Variants in CEP192 observed in about 807,000 individuals in gnomAD.
CEP192 encodes the protein centrosomal protein of 192 kDa.
CEP192 carries 151 observed loss-of-function variants against 271.8 expected under a neutral mutation model. The ratio of observed to expected loss-of-function variants is 0.56; its 90% confidence interval spans 0.49 to 0.64. The LOEUF (loss-of-function observed/expected upper bound fraction) is 0.64, where lower values mean the gene tolerates loss of function less well. Ranked by LOEUF, CEP192 falls within the 30% of genes least tolerant of loss-of-function variation. CEP192 has a pLI of 0.00. For missense variants in CEP192, 2,910 were observed against 3,020.5 expected (o/e 0.96, Z 0.86); for synonymous variants, 995 against 1,076.5 (o/e 0.92, Z 1.48).
At position 13,087,110 on chromosome 18, in the gene CEP192, G is replaced by A. The variant is rs1458601764; in HGVS notation, c.5710G>A (p.Val1904Ile). The A allele has an allele frequency of 1.2e-6, 2 of 1,614,058 alleles. No individual in the cohort carries two copies. The highest frequency in any genetic ancestry group is 1.7e-6 in the Non-Finnish European group (2 of 1,179,938). The change falls in exon 31 of 45, where the codon GTA becomes ATA. Residue 1904 changes from valine to isoleucine, a missense_variant. By Grantham distance (29) the Val-to-Ile change is conservative. Coordinates refer to ENST00000506447, the MANE Select transcript of CEP192 (RefSeq NM_032142.4). Reference sequence around the variant, plus strand: ...TTACATGGTAACAGTGAATGGCTTAGTACCTGGCAAAGAAAGTAAAATTGT... The same window carrying A: ...TTACATGGTAACAGTGAATGGCTTAATACCTGGCAAAGAAAGTAAAATTGT... ...DSYMVTVNGL[V>I]PGKESKIVFS...
intron 11 of CEP192, among the ~76,000 whole-genome samples, chr18:13,032,946 T>C (rs2035717355): frequency 6.6e-6 from 1 of 152,226 alleles, no homozygotes; most frequent in South Asian, 2.1e-4. Context: ...TAGTTCTATT[T>C]GTATACAGCT....
Position 13,030,734 on chromosome 18 carries a change from T to G in CEP192, c.1534+126T>G, listed in dbSNP as rs115004703. 1,938 of 717,156 alleles carry G rather than the reference T, an allele frequency of 2.7e-3. 26 individuals are homozygous for G. In the African/African-American group the frequency reaches 0.031, roughly 11 times the overall value. 44.4% of individuals were successfully genotyped at this position (717,156 alleles called of 1,614,324 possible). On this transcript the variant is annotated intron_variant, in intron 11 of 44. Coordinates refer to ENST00000506447, the MANE Select transcript of CEP192 (RefSeq NM_032142.4). Reference sequence around the variant, plus strand: ...ACTATCACTGTATTCTGGAAGCACTTCACTTGTTTTTATAGGACCCAAGGT... The same window carrying G: ...ACTATCACTGTATTCTGGAAGCACTGCACTTGTTTTTATAGGACCCAAGGT...
At chr18:13,058,766 A>G in intron 20 of CEP192, 1 of 337,148 alleles carries the variant, frequency 3.0e-6, no homozygotes, top group South Asian at 2.9e-5. Context: ...TGTGTGCTAG[A>G]GAGACTTACA....
chr18:13,057,058 G>A (rs1001525376), intron 19 of CEP192, among the ~76,000 whole-genome samples: 2 of 152,176 alleles, frequency 1.3e-5, no homozygotes, highest in Non-Finnish European at 2.9e-5. Flanking sequence ...TGGAGAGGCA[G>A]CACTCTCGGG....
chr18:13,097,226 A>G (rs1336373723), intron 36 of CEP192, among the ~76,000 whole-genome samples: 1 of 152,084 alleles, frequency 6.6e-6, no homozygotes, highest in Non-Finnish European at 1.5e-5. Context: ...CTGTAGCCCC[A>G]TGGGTTTAGC....
intron 6 of CEP192, 47 bp downstream of exon 6, chr18:13,015,495 C>T (rs2143031978): frequency 6.5e-7 from 1 of 1,537,030 alleles, no homozygotes; most frequent in South Asian, 1.2e-5. Context: ...CTTGCCACTC[C>T]ACTTTATTCT....
intron 40 of CEP192, among the ~76,000 whole-genome samples, chr18:13,110,873 C>A (rs2040178038): frequency 6.6e-6 from 1 of 152,172 alleles, no homozygotes; most frequent in Non-Finnish European, 1.5e-5. Flanking sequence ...AGGAAGCATC[C>A]AGCACGGGAT....
intron 4 of CEP192, among the ~76,000 whole-genome samples, chr18:13,012,174 A>C (rs1483108111): frequency 6.6e-6 from 1 of 152,204 alleles, no homozygotes; most frequent in South Asian, 2.1e-4. Context: ...AGTGATTGCT[A>C]ATGGGTATAG....
chr18:12,999,278 A>G (rs571499080), intron 1 of CEP192, 143 bp from the exon 2 acceptor site: 2 of 579,248 alleles, frequency 3.5e-6, no homozygotes, highest in South Asian at 5.2e-5. Context: ...TTTACCTCAG[A>G]CTATTTGCCT....
In CEP192 at chr18:13,049,487, C is replaced by G. The variant is rs1224610157; in HGVS notation, c.2696C>G (p.Ser899Ter). 6.2e-7 allele frequency: 1 copy of G among 1,614,116 alleles called. No individual in the cohort carries two copies. The highest frequency in any genetic ancestry group is 1.3e-5 in the African/African-American group (1 of 75,052). The change falls in exon 16 of 45, where the codon TCA becomes TGA. Residue 899 changes from serine (S) to a stop codon, truncating the protein, a stop_gained. Coordinates refer to ENST00000506447, the MANE Select transcript of CEP192 (RefSeq NM_032142.4). LOFTEE classifies it high-confidence loss of function. The stretch of plus-strand genomic sequence containing the variant: ...GTTGGTAACGATGAAAAAGCTACCT[C>G]AATTTCCACTCCATCTGATAGTTAT... ...QDVGNDEKAT[S>*]ISTPSDSYSS...
intron 20 of CEP192, 64 bp downstream of exon 20, chr18:13,057,797 C>A: frequency 6.6e-7 from 1 of 1,518,008 alleles, no homozygotes; most frequent in Non-Finnish European, 9.1e-7. Context: ...CTTGATTTCC[C>A]CCATCTCTAG....
chr18:13,016,063 G>C (rs2034629168), intron 6 of CEP192, among the ~76,000 whole-genome samples: 1 of 152,052 alleles, frequency 6.6e-6, no homozygotes. Context: ...TGAAATATTT[G>C]GCCTCTGCTC....
chr18:13,010,834 G>A (rs558999543), intron 4 of CEP192, among the ~76,000 whole-genome samples: 8 of 149,422 alleles, frequency 5.4e-5, no homozygotes, highest in Admixed American at 1.3e-4. Flanking sequence ...TAATAAGAGC[G>A]AAACTCCATC....
chr18:13,067,728 G>T (rs7243536), intron 21 of CEP192, 103 bp from the exon 22 acceptor site: 126,530 of 905,160 alleles, frequency 0.14, 9,999 homozygotes, highest in East Asian at 0.29. Context: ...TTTACTTACT[G>T]CTGACTCATA....
At chr18:13,039,202 C>T (rs1002318924) in intron 13 of CEP192, among the ~76,000 whole-genome samples, 1 of 152,108 alleles carries the variant, frequency 6.6e-6, no homozygotes, top group Non-Finnish European at 1.5e-5. Context: ...CACCTGTAAT[C>T]CCAGCACTTT....
chr18:13,031,502 C>G (rs929651159), intron 11 of CEP192, among the ~76,000 whole-genome samples: 2 of 152,108 alleles, frequency 1.3e-5, no homozygotes, highest in African/African-American at 2.4e-5. Flanking sequence ...CCGCCTCGGC[C>G]TCCCAAAGTG....
Position 13,012,907 on chromosome 18 carries a change from G to A in CEP192, c.467-66G>A, listed in dbSNP as rs1007520400. 4 of 782,624 alleles carry A rather than the reference G, an allele frequency of 5.1e-6. No individual in the cohort carries two copies. In the South Asian group the frequency reaches 7.3e-5, roughly 14 times the overall value. The allele number at this position is 782,624 out of a possible 1,614,324, so 48.5% of individuals were successfully genotyped here. On this transcript the variant is annotated intron_variant, in intron 4 of 44. Coordinates refer to ENST00000506447, the MANE Select transcript of CEP192 (RefSeq NM_032142.4). ...GAAAAATATTTCTTGCTATTTTTAG[G>A]TATCGTTGGGTATTTGGTTGATAAA...
intron 14 of CEP192, among the ~76,000 whole-genome samples, chr18:13,041,929 A>G (rs1432696923): frequency 6.6e-6 from 1 of 152,254 alleles, no homozygotes; most frequent in African/African-American, 2.4e-5. Flanking sequence ...GCTGAAAAAT[A>G]TTGAATGAGT....
At chr18:13,018,987 G>T (rs1329044559) in intron 8 of CEP192, 95 bp from the exon 9 acceptor site, 3 of 1,218,584 alleles carry the variant, frequency 2.5e-6, no homozygotes, top group Admixed American at 3.2e-5. Flanking sequence ...AAGTATTAGG[G>T]TTACATAAAA....
Sources: gnomAD v4.1 joint callset for allele counts (sites outside exome capture counted in the v4.1 genomes callset) on GRCh38, gnomAD v4.1.1 for gene constraint, MANE v1.5 for transcripts, NCBI Gene and HGNC (gene_info 2026-07-23, HGNC 2026-07-21) for gene names.